SASS6: variants seen among roughly 807,000 people sequenced by gnomAD.
SASS6 encodes spindle assembly abnormal protein 6 homolog.
Under a neutral mutation model 94.9 loss-of-function variants are expected in SASS6, and 59 were observed. That is an observed-to-expected ratio of 0.62 (90% CI 0.50 to 0.77). The LOEUF (loss-of-function observed/expected upper bound fraction) is 0.77. SASS6 is among the 30% of genes least tolerant of loss of function. The pLI is 0.00. For missense variants in SASS6, 698 were observed against 734.1 expected, an observed-to-expected ratio of 0.95 and a Z score of 0.57; for synonymous variants, 264 against 270.0, an observed-to-expected ratio of 0.98 and a Z score of 0.22.
At chr1:100,088,479 G>A (rs897007918) in intron 14 of SASS6, among the ~76,000 whole-genome samples, 2 of 152,074 alleles carry the variant, frequency 1.3e-5, no homozygotes, top group South Asian at 2.1e-4. Context: ...TTGTAGAGAC[G>A]GGGTTTCACT....
intron 7 of SASS6, 37 bp from the exon 8 acceptor site, chr1:100,110,520 G>GA: frequency 2.7e-6 from 3 of 1,106,010 alleles, no homozygotes; most frequent in South Asian, 2.2e-5. Flanking sequence ...AAAATTCAAA[G>GA]AAAAAAATCA....
chr1:100,097,712 C>G (rs1570687974), intron 14 of SASS6, among the ~76,000 whole-genome samples: 1 of 152,078 alleles, frequency 6.6e-6, no homozygotes, highest in Non-Finnish European at 1.5e-5. Flanking sequence ...ACCTGTAGTC[C>G]CAGCTACTCA....
intron 14 of SASS6, among the ~76,000 whole-genome samples, 188 bp from the exon 15 acceptor site, chr1:100,088,424 G>GA (rs771526131): frequency 1.3e-5 from 2 of 152,104 alleles, no homozygotes; most frequent in African/African-American, 2.4e-5. Context: ...CCAACTAGCT[G>GA]AGACTACAGG....
chr1:100,114,161 G>A (rs1653613497), intron 7 of SASS6, among the ~76,000 whole-genome samples: 1 of 152,180 alleles, frequency 6.6e-6, no homozygotes, highest in Non-Finnish European at 1.5e-5. Flanking sequence ...AACTAGGTGA[G>A]TGATCCAAAT....
chr1:100,132,683 C>T, intron 1 of SASS6, 67 bp downstream of exon 1: 1 of 1,316,740 alleles, frequency 7.6e-7, no homozygotes, highest in Non-Finnish European at 1.1e-6. Context: ...CGGGCCAGAA[C>T]CGCCATCTTT....
At chr1:100,126,028 G>A in intron 1 of SASS6, 86 bp from the exon 2 acceptor site, 3 of 689,890 alleles carry the variant, frequency 4.3e-6, no homozygotes, top group Non-Finnish European at 7.4e-6. Flanking sequence ...TCAGTCTTAA[G>A]TGACAAGACT....
At chr1:100,108,672 T>C (rs1270334347) in intron 8 of SASS6, among the ~76,000 whole-genome samples, 1 of 152,104 alleles carries the variant, frequency 6.6e-6, no homozygotes, top group Non-Finnish European at 1.5e-5. Context: ...TTATACAGTA[T>C]TGTGACTATA....
At chr1:100,085,657 T>C in intron 15 of SASS6, 27 bp from the exon 16 acceptor site, 1 of 1,360,516 alleles carries the variant, frequency 7.4e-7, no homozygotes, top group Non-Finnish European at 1.0e-6. Context: ...TAATAACTTA[T>C]TTAACAAAGT....
chr1:100,130,056 A>AT (rs2101697828), intron 1 of SASS6, among the ~76,000 whole-genome samples: 2 of 152,320 alleles, frequency 1.3e-5, no homozygotes, highest in South Asian at 4.1e-4. Flanking sequence ...AGGTACTGTT[A>AT]TTACCATCAA....
chr1:100,103,712 A>G (rs1652672599), intron 13 of SASS6, among the ~76,000 whole-genome samples: 1 of 152,196 alleles, frequency 6.6e-6, no homozygotes, highest in Non-Finnish European at 1.5e-5. Context: ...ATCTTTTTTA[A>G]GTTTGTAATT....
intron 15 of SASS6, among the ~76,000 whole-genome samples, chr1:100,086,342 AG>A (rs2101634122): frequency 6.6e-6 from 1 of 152,208 alleles, no homozygotes; most frequent in Non-Finnish European, 1.5e-5. Context: ...TTTTCTTTAA[AG>A]TTTGATACCC....
At chr1:100,132,450 T>C (rs1655130238) in intron 1 of SASS6, among the ~76,000 whole-genome samples, 1 of 152,134 alleles carries the variant, frequency 6.6e-6, no homozygotes, top group Non-Finnish European at 1.5e-5. Flanking sequence ...AGAGTTCTTA[T>C]CTGTCAAAAG....
At position 100,085,350 on chromosome 1, in the gene SASS6, G is replaced by C; in HGVS notation, c.1952C>G (p.Pro651Arg). The C allele has an allele frequency of 1.2e-6, 2 of 1,611,362 alleles. No homozygotes were observed. Among genetic ancestry groups the C allele is most frequent in the Non-Finnish European group, 1.7e-6 (2 of 1,177,514 alleles). The stretch of plus-strand genomic sequence containing the variant: ...GAATTAACTGTTTGGTAACTGCCCA[G>C]GGAAATAGGCTGAAGACGCAGAGGG... ...ALPSASSAYF[P>R]GQLPNS is the part of the protein sequence containing the mutation. The change falls in exon 17 of 17, where the codon CCT becomes CGT. Residue 651 changes from proline (P) to arginine (R), a missense_variant. Physicochemically the swap from Pro to Arg is moderately radical, Grantham distance 103. Coordinates refer to ENST00000287482, the MANE Select transcript of SASS6 (RefSeq NM_194292.3).
intron 14 of SASS6, among the ~76,000 whole-genome samples, chr1:100,092,732 T>C (rs887512634): frequency 2.6e-5 from 4 of 152,012 alleles, no homozygotes; most frequent in Admixed American, 1.3e-4. Flanking sequence ...CCCACCACCA[T>C]GCCCAGCTAA....
chr1:100,099,408 C>A, intron 14 of SASS6: 1 of 153,576 alleles, frequency 6.5e-6, no homozygotes. Flanking sequence ...AGAGACCTTA[C>A]AGTAATTCAG....
chr1:100,115,640 C>T (rs1294585342), intron 7 of SASS6, among the ~76,000 whole-genome samples: 7 of 152,082 alleles, frequency 4.6e-5, no homozygotes. Context: ...CCAGCGTGGG[C>T]AACATAGTGA....
rs1303755331 is a variant in SASS6, at chr1:100,084,147, A to G, written c.*1181T>C. On this transcript the variant is annotated 3_prime_UTR_variant, in exon 17 of 17. Coordinates refer to ENST00000287482, the MANE Select transcript of SASS6 (RefSeq NM_194292.3). ...GTTTCAAGATACTGGCTTCGTAAAA[A>G]AAAAAAAAAAATTAGCAAAGATTCT... 55 of 151,876 alleles carry G rather than the reference A, an allele frequency of 3.6e-4. No homozygotes were observed. The highest frequency in any genetic ancestry group is 1.5e-5 in the Non-Finnish European group (1 of 67,882). The allele number at this position is 151,876 out of a possible 1,614,324, so 9.4% of individuals were successfully genotyped here. A position where few individuals can be genotyped will look rare whatever the true frequency, so the allele number is the denominator to read the frequency against.
In SASS6 at chr1:100,107,945, A is replaced by G. The variant is rs202147382; in HGVS notation, c.921T>C (p.Asp307=). ...GCTTTTCTTTCTCGTGGCATTCAAC[A>G]TCTAGTGTAGAATTCTCTCTTCGCA... ...LSLRRENSTL[D]VECHEKEKHV... The change falls in exon 9 of 17, where the codon GAT becomes GAC. Residue 307 remains aspartate, a synonymous_variant. Coordinates refer to ENST00000287482, the MANE Select transcript of SASS6 (RefSeq NM_194292.3). 123 of 1,612,968 alleles carry G rather than the reference A, an allele frequency of 7.6e-5. No homozygotes were observed. Among genetic ancestry groups the G allele is most frequent in the Admixed American group, 1.7e-4 (10 of 60,008 alleles).
rs115205625 is a variant in SASS6 at position 100,098,159 on chromosome 1, C to T, written c.1674+4796G>A. On this transcript the variant is annotated intron_variant, in intron 14 of 16. Transcript: ENST00000287482. ...AGTATAATGAAGAATAAAAACAAACCAAAAATTACAAAATAACACATTAAA... is the reference window on the plus strand; with the variant it reads ...AGTATAATGAAGAATAAAAACAAACTAAAAATTACAAAATAACACATTAAA... Among the ~76,000 whole-genome samples the T allele has an allele frequency of 2.7e-3, 408 of 151,568 alleles. 2 individuals carry two copies. Among genetic ancestry groups the T allele is most frequent in the African/African-American group, 9.2e-3 (380 of 41,298 alleles).
Sources: gnomAD v4.1 joint callset for allele counts (sites outside exome capture counted in the v4.1 genomes callset) on GRCh38, gnomAD v4.1.1 for gene constraint, MANE v1.5 for transcripts, NCBI Gene and HGNC (gene_info 2026-07-23, HGNC 2026-07-21) for gene names.